Variants in GRAMD1A observed in about 807,000 individuals in gnomAD.
GRAMD1A encodes protein Aster-A.
A neutral mutation model predicts 92.0 loss-of-function variants in GRAMD1A; 50 were observed. That is an observed-to-expected ratio of 0.54 (90% CI 0.43 to 0.69). GRAMD1A has a LOEUF of 0.69. Ranked by LOEUF, GRAMD1A falls within the 30% of genes least tolerant of loss-of-function variation. The pLI, the probability that GRAMD1A is intolerant of heterozygous loss-of-function variation, is 0.00. For missense variants in GRAMD1A, 819 were observed against 978.9 expected (o/e 0.84, Z 2.18); for synonymous variants, 405 against 403.6 (o/e 1.00, Z -0.04).
At chr19:35,006,528 C>T (rs141240267) in intron 1 of GRAMD1A, among the ~76,000 whole-genome samples, 5 of 152,296 alleles carry the variant, frequency 3.3e-5, no homozygotes, top group African/African-American at 9.6e-5. Context: ...AAGTTCCCAA[C>T]GCCATCCCCA....
intron 3 of GRAMD1A, chr19:35,009,675 A>G (rs1448039838): frequency 1.1e-5 from 7 of 635,950 alleles, no homozygotes; most frequent in Non-Finnish European, 2.0e-5. Context: ...TGAAGGGAAC[A>G]TTGAATGAGT....
upstream of GRAMD1A, among the ~76,000 whole-genome samples, chr19:34,995,730 C>T (rs529414672): frequency 1.6e-4 from 25 of 152,044 alleles, no homozygotes; most frequent in Admixed American, 1.4e-3. Flanking sequence ...GCTATAGGGA[C>T]GTGCCACCAT....
At chr19:35,009,517 C>G (rs986048546) in intron 3 of GRAMD1A, 74 bp downstream of exon 3, 8 of 1,505,250 alleles carry the variant, frequency 5.3e-6, no homozygotes, top group Non-Finnish European at 7.4e-6. Flanking sequence ...CAGGCTGCAA[C>G]AGTCAAGGAG....
upstream of GRAMD1A, among the ~76,000 whole-genome samples, chr19:34,997,388 C>CAA (rs540666102): frequency 0.052 from 5,916 of 113,200 alleles, 437 homozygotes; most frequent in African/African-American, 0.17. Flanking sequence ...GCCAAAAAAA[C>CAA]AAAAAAAAAA....
rs2015595856 is a variant in GRAMD1A at position 35,015,939 on chromosome 19, G to C, written c.1185G>C (p.Gln395His). The C allele has an allele frequency of 3.1e-6, 5 of 1,613,992 alleles. No individual in the cohort carries two copies. Among genetic ancestry groups the C allele is most frequent in the Non-Finnish European group, 2.5e-6 (3 of 1,179,920 alleles). ...TCTTCTCGGACTCGCCCTTCCTCCA[G>C]GGCTTCCTACAGCAGTGCAAGTTCA... ...QMLFSDSPFL[Q>H]GFLQQCKFTD... is the part of the protein sequence containing the mutation. Residue 395 changes from glutamine (Q) to histidine (H), a missense_variant, in exon 11 of 20, where the codon CAG (glutamine) becomes CAC (histidine). By Grantham distance (24) the Gln-to-His change is conservative. Transcript: ENST00000317991.
upstream of GRAMD1A, chr19:34,996,327 C>G (rs1467445686): frequency 8.9e-6 from 13 of 1,458,870 alleles, no homozygotes; most frequent in Admixed American, 1.6e-4. Flanking sequence ...AAGAGGGTCT[C>G]TCTGTCTAGG....
intron 1 of GRAMD1A, among the ~76,000 whole-genome samples, chr19:35,003,449 A>G (rs2014566420): frequency 6.6e-6 from 1 of 152,040 alleles, no homozygotes; most frequent in African/African-American, 2.4e-5. Flanking sequence ...GCCTTCAGCT[A>G]TCCTGGTTGG....
chr19:35,001,761 C>G (rs774180575), intron 1 of GRAMD1A, among the ~76,000 whole-genome samples: 3 of 152,122 alleles, frequency 2.0e-5, no homozygotes, highest in Non-Finnish European at 4.4e-5. Context: ...GCGTGTGCCA[C>G]CACGCCTGGC....
At chr19:34,995,575 T>TTTTTG (rs1555709922), upstream of GRAMD1A, among the ~76,000 whole-genome samples, 120 of 129,258 alleles carry the variant, frequency 9.3e-4, 4 homozygotes, top group African/African-American at 1.8e-3. Context: ...TCACGGGTTT[T>TTTTTG]TTTTTTTTTT....
At chr19:35,018,980 G>A (rs1439815867) in intron 11 of GRAMD1A, among the ~76,000 whole-genome samples, 3 of 152,048 alleles carry the variant, frequency 2.0e-5, no homozygotes, top group African/African-American at 7.2e-5. Context: ...CAAGACGGGT[G>A]CAGAGGGGGA....
In GRAMD1A at chr19:35,026,031, C is replaced by T. The variant is rs758283743; in HGVS notation, c.2083-18C>T. 5 of 1,399,214 alleles carry T rather than the reference C, an allele frequency of 3.6e-6. No individual in the cohort carries two copies. The highest frequency in any genetic ancestry group is 5.1e-6 in the Non-Finnish European group (5 of 984,498). The allele number at this position is 1,399,214 out of a possible 1,614,324, so 86.7% of individuals were successfully genotyped here. On this transcript the variant is annotated intron_variant, in intron 19 of 19. Coordinates refer to ENST00000317991, the MANE Select transcript of GRAMD1A (RefSeq NM_020895.5). ...CCTCCAGCGTTCACCCCCGACCCTG[C>T]TCACCTCCTCCCCGCAGATGAAGTT...
At position 35,015,698 on chromosome 19, in the gene GRAMD1A, C is replaced by T. The variant is rs2015571000; in HGVS notation, c.1070-126C>T. On this transcript the variant is annotated intron_variant, in intron 10 of 19. Transcript: ENST00000317991. The stretch of plus-strand genomic sequence containing the variant: ...TCACAGGAGGGCTCTGTGTCAGTGT[C>T]CAGCTGTGCTCCAGGAGGTGGGGTC... 8.3e-6 allele frequency: 7 copies of T among 841,468 alleles called. No individual in the cohort carries two copies. The South Asian group carries it at 1.3e-4, about 15-fold the overall frequency. 52.1% of individuals were successfully genotyped at this position (841,468 alleles called of 1,614,324 possible).
chr19:35,011,435 C>G, intron 6 of GRAMD1A, 39 bp from the exon 7 acceptor site: 1 of 1,524,064 alleles, frequency 6.6e-7, no homozygotes, highest in Non-Finnish European at 9.0e-7. Flanking sequence ...GGTCGCTCCC[C>G]AACCTGCTCA....
chr19:35,016,528 C>T (rs1448975838), intron 11 of GRAMD1A, among the ~76,000 whole-genome samples: 1 of 145,492 alleles, frequency 6.9e-6, no homozygotes, highest in East Asian at 2.0e-4. Flanking sequence ...ACCTCGGAGG[C>T]GGAGGTTGCA....
chr19:35,026,023 C>G (rs567333574), intron 19 of GRAMD1A, 26 bp from the exon 20 acceptor site: 10 of 1,288,184 alleles, frequency 7.8e-6, no homozygotes, highest in Non-Finnish European at 1.1e-5. Flanking sequence ...CGTTCACCCC[C>G]GACCCTGCTC....
upstream of GRAMD1A, among the ~76,000 whole-genome samples, chr19:34,997,489 AATGGGAGGTTCAGGGCC>A (rs1046737718): frequency 5.9e-5 from 9 of 152,142 alleles, no homozygotes; most frequent in African/African-American, 2.2e-4. Flanking sequence ...GGAGACAGGA[AATGGGAGGTTCAGGGCC>A]ATAGGGGGAA....
chr19:35,004,451 C>T (rs913899188), intron 1 of GRAMD1A, among the ~76,000 whole-genome samples: 5 of 152,130 alleles, frequency 3.3e-5, no homozygotes, highest in African/African-American at 1.2e-4. Context: ...CCAAGTCCTG[C>T]CTGCTGCTCT....
At chr19:35,019,797 A>G (rs2015917928) in intron 13 of GRAMD1A, among the ~76,000 whole-genome samples, 1 of 152,200 alleles carries the variant, frequency 6.6e-6, no homozygotes, top group African/African-American at 2.4e-5. Context: ...CAGGGAGCTC[A>G]TATTCTAGTG....
intron 1 of GRAMD1A, among the ~76,000 whole-genome samples, chr19:35,007,766 G>A (rs140253205): frequency 0.018 from 2,769 of 152,156 alleles, 38 homozygotes; most frequent in Non-Finnish European, 0.029. Context: ...CCAGCTACCC[G>A]GGAGGCTGAG....
Sources: gnomAD v4.1 joint callset for allele counts (sites outside exome capture counted in the v4.1 genomes callset) on GRCh38, gnomAD v4.1.1 for gene constraint, MANE v1.5 for transcripts, NCBI Gene and HGNC (gene_info 2026-07-23, HGNC 2026-07-21) for gene names.